Variants in SMS observed in about 807,000 individuals in gnomAD.
SMS encodes the protein spermine synthase, also known as spermidine aminopropyltransferase.
Under a neutral mutation model 33.0 loss-of-function variants are expected in SMS, and 3 were observed. The observed-to-expected ratio is 0.09, with a 90% CI of 0.04 to 0.23. The LOEUF is 0.23. Among genes scored for constraint, SMS ranks in the 10% least tolerant of loss-of-function variants. The pLI is 1.00. For missense variants in SMS, 117 were observed against 288.6 expected (o/e 0.41, Z 4.31); for synonymous variants, 103 against 112.2 (o/e 0.92, Z 0.52).
chrX:21,951,356 G>C (rs1922594224), intron 1 of SMS, among the ~76,000 whole-genome samples: 1 of 112,312 alleles, frequency 8.9e-6, no homozygotes, highest in Non-Finnish European at 1.9e-5. Flanking sequence ...CAGATGGGTA[G>C]ATTGCAAAAA....
chrX:21,969,826 T>A (rs1923999951), intron 2 of SMS, among the ~76,000 whole-genome samples: 1 of 112,917 alleles, frequency 8.9e-6, no homozygotes, highest in South Asian at 3.6e-4. Context: ...TTGTTGTTGT[T>A]GTTTTTGAGA....
chrX:21,992,967 C>CTA (rs767615497), intron 10 of SMS, among the ~76,000 whole-genome samples: 8 of 111,760 alleles, frequency 7.2e-5, no homozygotes, highest in Non-Finnish European at 1.1e-4. Context: ...TGATCAAGCA[C>CTA]TACTGGTCTA....
At chrX:21,981,222 A>G (rs914963295) in intron 7 of SMS, among the ~76,000 whole-genome samples, 14 of 110,431 alleles carry the variant, frequency 1.3e-4, no homozygotes, top group African/African-American at 4.6e-4. Context: ...CTGGAGGCTG[A>G]GGCAGGAGAA....
Position 21,965,389 on chromosome X carries a change from C to T in SMS, c.50-1807C>T, listed in dbSNP as rs1366081297. On this transcript the variant is annotated intron_variant, in intron 1 of 10. Coordinates refer to ENST00000404933, the MANE Select transcript of SMS (RefSeq NM_004595.5). Reference sequence around the variant, plus strand: ...CGGTGGTCCACGCCTGTAATCCCAGCACTTCGGGAGGCTGTGGCAGGTGGA... The same window carrying T: ...CGGTGGTCCACGCCTGTAATCCCAGTACTTCGGGAGGCTGTGGCAGGTGGA... 2.7e-5 allele frequency among the ~76,000 whole-genome samples: 3 copies of T among 110,599 alleles called. No homozygotes were observed. In the Admixed American group the frequency reaches 2.9e-4, roughly 11 times the overall value.
chrX:21,944,539 A>AAAAAAAAAAAAAAAAAAG (rs776946474), intron 1 of SMS, among the ~76,000 whole-genome samples: 19 of 81,403 alleles, frequency 2.3e-4, no homozygotes, highest in Admixed American at 3.5e-4. Context: ...AAAAAAAAAA[A>AAAAAAAAAAAAAAAAAAG]AAAAAAGAAA....
At chrX:21,987,243 C>T (rs1475847381) in intron 9 of SMS, among the ~76,000 whole-genome samples, 2 of 112,173 alleles carry the variant, frequency 1.8e-5, no homozygotes, top group Middle Eastern at 4.7e-3. Context: ...GTGATACGCC[C>T]CCCTCGGCCT....
intron 1 of SMS, among the ~76,000 whole-genome samples, chrX:21,943,836 A>AC (rs1921998193): frequency 8.9e-6 from 1 of 111,785 alleles, no homozygotes; most frequent in Non-Finnish European, 1.9e-5. Flanking sequence ...AGTTTTTAGT[A>AC]AGGGGAACTT....
In SMS at chrX:21,958,586, T is replaced by C. The variant is rs769053218; in HGVS notation, c.50-8610T>C. On this transcript the variant is annotated intron_variant, in intron 1 of 10. Transcript: ENST00000404933. ...TTTTCATCACCTCAAAAACAAACCC[T>C]GTGCCCCTTAGCCATCACCCTTATT... is the stretch of plus-strand genomic sequence containing the variant. 2.7e-5 allele frequency among the ~76,000 whole-genome samples: 3 copies of C among 112,891 alleles called. No homozygotes were observed. The East Asian group carries it at 8.3e-4, about 31-fold the overall frequency.
chrX:21,941,746 G>A (rs1602173992), intron 1 of SMS, among the ~76,000 whole-genome samples: 1 of 107,553 alleles, frequency 9.3e-6, no homozygotes, highest in African/African-American at 3.4e-5. Context: ...TTAGCCGGGC[G>A]TGGTGGCACG....
At chrX:21,986,343 A>C (rs1174743225) in intron 9 of SMS, among the ~76,000 whole-genome samples, 82 of 57,268 alleles carry the variant, frequency 1.4e-3, no homozygotes, top group Non-Finnish European at 2.0e-3. Context: ...GCAAGACTAC[A>C]TCTCAAAAAA....
At chrX:21,967,087 TA>T in intron 1 of SMS, 108 bp from the exon 2 acceptor site, 2 of 204,383 alleles carry the variant, frequency 9.8e-6, no homozygotes, top group Non-Finnish European at 1.4e-5. Context: ...TTTATTTATT[TA>T]TTTACTTATT....
At chrX:21,980,656 C>A (rs927614793) in intron 7 of SMS, among the ~76,000 whole-genome samples, 1 of 109,513 alleles carries the variant, frequency 9.1e-6, no homozygotes, top group Non-Finnish European at 1.9e-5. Flanking sequence ...ATGAGGATGC[C>A]TATTATCTTT....
chrX:21,992,407 G>A (rs191406545), intron 9 of SMS, among the ~76,000 whole-genome samples, 190 bp from the exon 10 acceptor site: 5 of 112,482 alleles, frequency 4.4e-5, no homozygotes, highest in Admixed American at 9.4e-5. Context: ...TGAGGTAGAA[G>A]GATAACGAGC....
intron 6 of SMS, among the ~76,000 whole-genome samples, chrX:21,978,440 T>C (rs998328188): frequency 9.0e-6 from 1 of 111,260 alleles, no homozygotes; most frequent in African/African-American, 3.3e-5. Flanking sequence ...CCAGGCATGG[T>C]GGCGGGCACC....
chrX:21,971,186 C>T (rs893910565), intron 2 of SMS, among the ~76,000 whole-genome samples: 1 of 108,052 alleles, frequency 9.3e-6, no homozygotes, highest in African/African-American at 3.4e-5. Flanking sequence ...AGACAGAGTG[C>T]GACTCCATCT....
chrX:21,983,755 G>A (rs1000502566), intron 7 of SMS, among the ~76,000 whole-genome samples: 1 of 111,825 alleles, frequency 8.9e-6, no homozygotes, highest in Admixed American at 9.5e-5. Context: ...GGGTACGGTG[G>A]CTCATGCCTC....
chrX:21,977,272 A>AGT, intron 5 of SMS, 36 bp downstream of exon 5: 1 of 1,108,269 alleles, frequency 9.0e-7, no homozygotes, highest in African/African-American at 1.8e-5. Flanking sequence ...CACGTAACAA[A>AGT]GTGGTGATGT....
At position 21,991,525 on chromosome X, in the gene SMS, G is replaced by T. The variant is rs1221748293; in HGVS notation, c.946-1072G>T. ...CGGAATCAGCCACCTGGATTCAGTA[G>T]TCTTGTGAATACCAACTTCAGAGAT... On this transcript the variant is annotated intron_variant, in intron 9 of 10. Coordinates refer to ENST00000404933, the MANE Select transcript of SMS (RefSeq NM_004595.5). Among the ~76,000 whole-genome samples, 5 of 112,200 alleles carry T rather than the reference G, an allele frequency of 4.5e-5. No homozygotes were observed. In the East Asian group the frequency reaches 1.4e-3, roughly 31 times the overall value.
intron 4 of SMS, among the ~76,000 whole-genome samples, chrX:21,974,315 G>A (rs1924398656): frequency 8.9e-6 from 1 of 112,066 alleles, no homozygotes; most frequent in South Asian, 3.7e-4. Context: ...AAAAGAAGAC[G>A]CCACAGTATA....
Sources: allele counts gnomAD v4.1 joint callset (sites outside exome capture counted in the v4.1 genomes callset), GRCh38; gene constraint gnomAD v4.1.1; transcripts MANE v1.5; gene names NCBI Gene and HGNC (gene_info 2026-07-23, HGNC 2026-07-21).